SLCO4A1: variants seen among roughly 807,000 people sequenced by gnomAD.
The protein encoded by SLCO4A1 is solute carrier organic anion transporter family member 4A1.
In SLCO4A1, 51 loss-of-function variants were observed where a neutral mutation model predicts 64.6. The observed-to-expected ratio is 0.79, with a 90% CI of 0.63 to 1.00. SLCO4A1 has a LOEUF of 1.00. Ranked by LOEUF, SLCO4A1 falls within the 50% of genes least tolerant of loss-of-function variation. The pLI, the probability that SLCO4A1 is intolerant of heterozygous loss-of-function variation, is 0.00. For synonymous variants in SLCO4A1, 471 were observed against 444.9 expected, an observed-to-expected ratio of 1.06 and a Z score of -0.74; for missense variants, 919 against 980.5, an observed-to-expected ratio of 0.94 and a Z score of 0.84.
intron 1 of SLCO4A1, chr20:62,643,332 C>T (rs980819729): frequency 8.7e-6 from 2 of 230,472 alleles, no homozygotes; most frequent in African/African-American, 4.8e-5. Context: ...TGCCCTAGAC[C>T]GGCCCTAGAC....
intron 11 of SLCO4A1, among the ~76,000 whole-genome samples, chr20:62,671,052 C>T (rs558055173): frequency 8.5e-5 from 13 of 152,270 alleles, no homozygotes; most frequent in East Asian, 7.7e-4. Flanking sequence ...CCTGCCACAT[C>T]GTCCTCTTGC....
chr20:62,651,850 A>G (rs1982561238), intron 1 of SLCO4A1: 1 of 152,224 alleles, frequency 6.6e-6, no homozygotes, highest in Admixed American at 6.5e-5. Flanking sequence ...CCAGGGCTGA[A>G]CAAACTGCCT....
Position 62,666,619 on chromosome 20 carries a change from A to T in SLCO4A1, c.1472+44A>T, listed in dbSNP as rs201112570. Reference sequence around the variant, plus strand: ...CTGGGTACGCGTCGGGGCCCCAAGCACCCGCGGTCCCTGGGCATGGAGGAG... The same window carrying T: ...CTGGGTACGCGTCGGGGCCCCAAGCTCCCGCGGTCCCTGGGCATGGAGGAG... On this transcript the variant is annotated intron_variant, in intron 7 of 11. Coordinates refer to ENST00000217159, the MANE Select transcript of SLCO4A1 (RefSeq NM_016354.4). 9.7e-6 allele frequency: 15 copies of T among 1,541,830 alleles called. No homozygotes were observed. The African/African-American group carries it at 2.0e-4, about 21-fold the overall frequency.
chr20:62,653,650 C>T (rs1983056249), intron 1 of SLCO4A1, among the ~76,000 whole-genome samples: 2 of 152,222 alleles, frequency 1.3e-5, no homozygotes, highest in Non-Finnish European at 2.9e-5. Context: ...CTAACTCTGC[C>T]TCAACCCCAA....
At position 62,656,699 on chromosome 20, in the gene SLCO4A1, A is replaced by G; in HGVS notation, c.245A>G (p.Gln82Arg). The G allele has an allele frequency of 6.2e-7, 1 of 1,610,290 alleles. No homozygotes were observed. The highest frequency in any genetic ancestry group is 1.3e-5 in the African/African-American group (1 of 75,014). Residue 82 changes from glutamine (Q) to arginine (R), a missense_variant, in exon 2 of 12, where the codon CAG becomes CGG. By Grantham distance (43) the Gln-to-Arg change is conservative (BLOSUM62 1). Coordinates refer to ENST00000217159, the MANE Select transcript of SLCO4A1 (RefSeq NM_016354.4). Reference protein sequence around the residue: ...THEVRYVSAGQSVACGWWAFA... With the variant: ...THEVRYVSAGRSVACGWWAFA... ...GAGGTGCGGTACGTCTCGGCCGGGC[A>G]GAGCGTGGCGTGCGGCTGGTGGGCC...
chr20:62,657,444 G>A lies in SLCO4A1; in HGVS notation c.796+194G>A, dbSNP rs185910263. The stretch of plus-strand genomic sequence containing the variant: ...GCCCAAAGCTGATGTAAGGGACTCC[G>A]GCTTTCTCATGTGGACCCTGCTCAG... On this transcript the variant is annotated intron_variant, in intron 2 of 11. Transcript: ENST00000217159. 1.5e-3 allele frequency among the ~76,000 whole-genome samples: 236 copies of A among 152,342 alleles called. 1 individual carries two copies. Among genetic ancestry groups the A allele is most frequent in the Non-Finnish European group, 1.3e-3 (90 of 68,022 alleles).
intron 2 of SLCO4A1, among the ~76,000 whole-genome samples, chr20:62,681,538 G>A (rs990797457): frequency 1.0e-4 from 1 of 9,824 alleles, no homozygotes; most frequent in African/African-American, 6.5e-4. Flanking sequence ...GTACACACTC[G>A]TGTGTGTATT....
At chr20:62,667,583 C>A in intron 7 of SLCO4A1, 162 bp from the exon 8 acceptor site, 1 of 758,578 alleles carries the variant, frequency 1.3e-6, no homozygotes, top group Non-Finnish European at 2.1e-6. Flanking sequence ...AGGCAGTGCC[C>A]AGTGTGAGTG....
At chr20:62,687,218 G>GATGGAAAGGGCACCCCCAAACA (rs1555921744), downstream of SLCO4A1, among the ~76,000 whole-genome samples, 3 of 140,886 alleles carry the variant, frequency 2.1e-5, no homozygotes, top group Admixed American at 6.9e-5. Context: ...AAACAGGAGC[G>GATGGAAAGGGCACCCCCAAACA]GGGGCCTCTG....
intron 2 of SLCO4A1, among the ~76,000 whole-genome samples, chr20:62,679,472 C>A (rs947208150): frequency 6.6e-6 from 1 of 152,110 alleles, no homozygotes; most frequent in Non-Finnish European, 1.5e-5. Context: ...AGTGATCCTC[C>A]CACCTCAGCC....
At chr20:62,689,832 G>T (rs1174581498), downstream of SLCO4A1, among the ~76,000 whole-genome samples, 1 of 152,210 alleles carries the variant, frequency 6.6e-6, no homozygotes, top group East Asian at 1.9e-4. Flanking sequence ...TGTGGGACGG[G>T]GCACCCAGGA....
intron 5 of SLCO4A1, among the ~76,000 whole-genome samples, chr20:62,664,622 G>A (rs1389520154): frequency 6.6e-6 from 1 of 152,206 alleles, no homozygotes; most frequent in South Asian, 2.1e-4. Context: ...TTCAGGACAA[G>A]TGGGCCACAG....
chr20:62,654,928 C>T (rs1269081974), intron 1 of SLCO4A1, among the ~76,000 whole-genome samples: 2 of 152,186 alleles, frequency 1.3e-5, no homozygotes, highest in African/African-American at 4.8e-5. Flanking sequence ...GAGCTACTTC[C>T]GGCCTCCCTC....
chr20:62,663,826 G>A (rs1189681434), intron 5 of SLCO4A1, among the ~76,000 whole-genome samples: 1 of 152,240 alleles, frequency 6.6e-6, no homozygotes, highest in Non-Finnish European at 1.5e-5. Flanking sequence ...TGCAGAGGCG[G>A]TTTCCCTTCT....
At chr20:62,688,288 G>A (rs535566120), downstream of SLCO4A1, among the ~76,000 whole-genome samples, 66 of 152,188 alleles carry the variant, frequency 4.3e-4, no homozygotes, top group African/African-American at 1.4e-3. Context: ...TCCTGCCCGC[G>A]GCCCCCCACG....
intron 11 of SLCO4A1, among the ~76,000 whole-genome samples, chr20:62,669,691 C>T (rs973667925): frequency 1.6e-4 from 24 of 152,060 alleles, no homozygotes; most frequent in African/African-American, 5.3e-4. Context: ...AATGCGGTCC[C>T]ACGGCCAGCT....
chr20:62,656,752 A>G lies in SLCO4A1; in HGVS notation c.298A>G (p.Asn100Asp). The change falls in exon 2 of 12, where the codon AAC (asparagine) becomes GAC (aspartate). Residue 100 changes from asparagine to aspartate, a missense_variant. Physicochemically the swap from Asn to Asp is conservative, Grantham distance 23 (BLOSUM62 1). Coordinates refer to ENST00000217159, the MANE Select transcript of SLCO4A1 (RefSeq NM_016354.4). ...CGCACCGCCGTGCCTGCAGGTCCTC[A>G]ACACGCCCAAGGGCATCCTGTTCTT... ...AFAPPCLQVLNTPKGILFFLC... is the reference protein window; with the variant it reads ...AFAPPCLQVLDTPKGILFFLC... The G allele has an allele frequency of 6.2e-7, 1 of 1,612,462 alleles. No individual in the cohort carries two copies. Among genetic ancestry groups the G allele is most frequent in the Non-Finnish European group, 8.5e-7 (1 of 1,179,744 alleles).
chr20:62,674,278 G>A (rs1601688225), downstream of SLCO4A1, among the ~76,000 whole-genome samples: 1 of 152,214 alleles, frequency 6.6e-6, no homozygotes, highest in African/African-American at 2.4e-5. Flanking sequence ...GTGGCACTGA[G>A]CATCCGTGTG....
chr20:62,663,818 C>T (rs1446559905), intron 5 of SLCO4A1, among the ~76,000 whole-genome samples: 1 of 152,194 alleles, frequency 6.6e-6, no homozygotes, highest in Non-Finnish European at 1.5e-5. Context: ...CCTCTCTTTG[C>T]AGAGGCGGTT....
Sources: gnomAD v4.1 joint callset for allele counts (sites outside exome capture counted in the v4.1 genomes callset) on GRCh38, gnomAD v4.1.1 for gene constraint, MANE v1.5 for transcripts, NCBI Gene and HGNC (gene_info 2026-07-23, HGNC 2026-07-21) for gene names.